The following STARD10 variants were observed in gnomAD, a reference collection of about 807,000 sequenced individuals.
The protein encoded by STARD10 is START domain-containing protein 10.
STARD10 carries 24 observed loss-of-function variants against 36.0 expected under a neutral mutation model. The ratio of observed to expected loss-of-function variants is 0.67; its 90% CI spans 0.48 to 0.94. STARD10 has a LOEUF of 0.94. Ranked by LOEUF, STARD10 falls within the 40% of genes least tolerant of loss-of-function variation. The probability of loss-of-function intolerance (pLI) is 0.00; values close to 1 mark genes in which losing one functional copy is unlikely to be tolerated. For missense variants in STARD10, 335 were observed against 396.6 expected, an observed-to-expected ratio of 0.84 and a Z score of 1.32; for synonymous variants, 156 against 161.9, an observed-to-expected ratio of 0.96 and a Z score of 0.28.
At chr11:72,763,374 G>A (rs1858746211) in intron 2 of STARD10, among the ~76,000 whole-genome samples, 1 of 152,200 alleles carries the variant, frequency 6.6e-6, no homozygotes, top group Non-Finnish European at 1.5e-5. Flanking sequence ...GGGAAAATTA[G>A]TCACTTCATA....
Position 72,781,913 on chromosome 11 carries a change from C to A in STARD10, c.-113-619G>T, listed in dbSNP as rs1859006793. ...GAGGTGAAGCTGACGGATCTCCGAG[C>A]CCCGCCCCGCCCCACCCCGCAGGGT... On this transcript the variant is annotated intron_variant, in intron 1 of 6. Coordinates refer to ENST00000334805, the MANE Select transcript of STARD10 (RefSeq NM_006645.3). This position sits in a 1 kb window ranked among gnomAD's most constrained non-coding sequence, Gnocchi z 4.7. 6.6e-6 allele frequency: 1 copy of A among 151,670 alleles called. No individual in the cohort carries two copies. Among genetic ancestry groups the A allele is most frequent in the African/African-American group, 2.4e-5 (1 of 41,350 alleles). 9.4% of individuals were successfully genotyped at this position (151,670 alleles called of 1,614,324 possible).
At chr11:72,755,661 A>C (rs1472720931) in intron 6 of STARD10, 40 bp downstream of exon 6, 1 of 1,608,774 alleles carries the variant, frequency 6.2e-7, no homozygotes, top group African/African-American at 1.3e-5. Flanking sequence ...TCCTCTTTCC[A>C]GTCTTCAACA....
chr11:72,780,724 G>T, intron 2 of STARD10: 1 of 551,448 alleles, frequency 1.8e-6, no homozygotes, highest in Non-Finnish European at 3.3e-6. Flanking sequence ...GGAACAGGCA[G>T]GGGCATGCAG....
In STARD10 at chr11:72,770,718, G is replaced by A. The variant is rs1288488251; in HGVS notation, c.207+10257C>T. ...CTTTAGGTTCAAGGAAGGCACAAAG[G>A]GAAGCCAGAAATGCAGGTAGAGGGA... On this transcript the variant is annotated intron_variant, in intron 2 of 6. Transcript: ENST00000334805. Among the ~76,000 whole-genome samples, 4 of 152,116 alleles carry A rather than the reference G, an allele frequency of 2.6e-5. No individual in the cohort carries two copies. In the East Asian group the frequency reaches 7.7e-4, roughly 29 times the overall value.
intron 2 of STARD10, among the ~76,000 whole-genome samples, chr11:72,760,943 A>G (rs1858707682): frequency 6.6e-6 from 1 of 152,158 alleles, no homozygotes; most frequent in Non-Finnish European, 1.5e-5. Context: ...TGCCAAGGGA[A>G]CCCTCACATA....
intron 2 of STARD10, among the ~76,000 whole-genome samples, chr11:72,768,030 GAAC>G (rs2135616584): frequency 6.6e-6 from 1 of 152,258 alleles, no homozygotes; most frequent in East Asian, 1.9e-4. Context: ...GGACAACAAG[GAAC>G]AAAGTTTAAA....
intron 2 of STARD10, among the ~76,000 whole-genome samples, chr11:72,765,816 C>CAAAAAAAAAAAAAAAAAA (rs752801080): frequency 4.2e-5 from 5 of 118,198 alleles, no homozygotes; most frequent in African/African-American, 7.0e-5. Context: ...ACTAAAAATA[C>CAAAAAAAAAAAAAAAAAA]AAAAAAAAAA....
At chr11:72,780,301 T>A (rs1262861861) in intron 2 of STARD10, 1 of 391,262 alleles carries the variant, frequency 2.6e-6, no homozygotes, top group South Asian at 1.7e-5. Flanking sequence ...GAGCGACTGA[T>A]GTGTCTGCAA....
rs1327460358 is a variant in STARD10, at chr11:72,781,154, G to A, written c.28C>T (p.Pro10Ser). 19 of 1,612,180 alleles carry A rather than the reference G, an allele frequency of 1.2e-5. No homozygotes were observed. Among genetic ancestry groups the A allele is most frequent in the Non-Finnish European group, 1.6e-5 (19 of 1,179,974 alleles). The change falls in exon 2 of 7, where the codon CCC (proline) becomes TCC (serine). Residue 10 changes from proline to serine, a missense_variant. Coordinates refer to ENST00000334805, the MANE Select transcript of STARD10 (RefSeq NM_006645.3). The surrounding 1 kb of genome is among the most constrained non-coding windows in gnomAD (Gnocchi z 4.7). MEKLAASTE[P>S]QGPRPVLGRE... is the part of the protein sequence containing the mutation. Reference sequence around the variant, plus strand: ...CCCAGGACCGGCCGAGGCCCTTGGGGCTCTGTAGAGGCCGCCAGCTTCTCC... The same window carrying A: ...CCCAGGACCGGCCGAGGCCCTTGGGACTCTGTAGAGGCCGCCAGCTTCTCC...
Position 72,781,360 on chromosome 11 carries a change from T to C in STARD10, c.-113-66A>G. 1.7e-6 allele frequency: 1 copy of C among 593,720 alleles called. No individual in the cohort carries two copies. 36.8% of individuals were successfully genotyped at this position (593,720 alleles called of 1,614,324 possible). A position where few individuals can be genotyped will look rare whatever the true frequency, so the allele number is the denominator to read the frequency against. On this transcript the variant is annotated intron_variant, in intron 1 of 6. Transcript: ENST00000334805. This position sits in a 1 kb window ranked among gnomAD's most constrained non-coding sequence, Gnocchi z 4.7. ...GCGCGGGTGGGGCTGTTCGGGGTCC[T>C]GGCGGGTGGGGAGCTGGAGAGAGGT...
chr11:72,765,097 A>G (rs1037306052), intron 2 of STARD10, among the ~76,000 whole-genome samples: 1 of 152,086 alleles, frequency 6.6e-6, no homozygotes, highest in Non-Finnish European at 1.5e-5. Context: ...AAGAAACCCC[A>G]TCTCTACTAA....
intron 2 of STARD10, among the ~76,000 whole-genome samples, chr11:72,767,375 C>T (rs1209692597): frequency 6.6e-6 from 1 of 152,168 alleles, no homozygotes; most frequent in African/African-American, 2.4e-5. Context: ...CCTTCCAACA[C>T]CCCAGAAGGA....
chr11:72,790,032 C>A (rs1257122225), intron 1 of STARD10, among the ~76,000 whole-genome samples: 4 of 152,192 alleles, frequency 2.6e-5, no homozygotes, highest in African/African-American at 9.7e-5. Context: ...TGATGAAGGC[C>A]CCACAATCCT....
chr11:72,775,494 C>T (rs1858919001), intron 2 of STARD10, among the ~76,000 whole-genome samples: 2 of 152,156 alleles, frequency 1.3e-5, no homozygotes, highest in Admixed American at 1.3e-4. Context: ...TGTGATCCAC[C>T]TCTGGGCCTT....
chr11:72,764,107 T>G (rs563960843), intron 2 of STARD10, among the ~76,000 whole-genome samples: 1 of 152,134 alleles, frequency 6.6e-6, no homozygotes, highest in African/African-American at 2.4e-5. Context: ...TCCTGGACCA[T>G]GAGTGGATGG....
rs746879482 is a variant in STARD10, at chr11:72,780,949, G to A, written c.207+26C>T. On this transcript the variant is annotated intron_variant, in intron 2 of 6. Transcript: ENST00000334805. ...GAGAGGCAGTAAGGGTGCAGTGGAG[G>A]CTGCAGGTATAGCGGGCAACCCTAC... The A allele has an allele frequency of 1.2e-5, 19 of 1,607,276 alleles. No individual in the cohort carries two copies. The South Asian group carries it at 1.8e-4, about 15-fold the overall frequency.
chr11:72,781,128 G>T lies in STARD10; in HGVS notation c.54C>A (p.Gly18=). The change falls in exon 2 of 7, where the codon GGC becomes GGA. Residue 18 remains glycine, a synonymous_variant. Transcript: ENST00000334805. The surrounding 1 kb of genome is among the most constrained non-coding windows in gnomAD (Gnocchi z 4.7). The stretch of plus-strand genomic sequence containing the variant: ...CATCGGGCACCTGGACACTCTCACG[G>T]CCCAGGACCGGCCGAGGCCCTTGGG... ...TEPQGPRPVL[G]RESVQVPDDQ... The T allele has an allele frequency of 6.2e-7, 1 of 1,613,546 alleles. No individual in the cohort carries two copies.
chr11:72,781,107 G>C lies in STARD10; in HGVS notation c.75C>G (p.Pro25=), dbSNP rs772266558. The change falls in exon 2 of 7, where the codon CCC becomes CCG. Residue 25 remains proline, a synonymous_variant. Transcript: ENST00000334805. The surrounding 1 kb of genome is among the most constrained non-coding windows in gnomAD (Gnocchi z 4.7). ...PVLGRESVQV[P]DDQDFRSFRS... ...GGAAGCTGCGAAAGTCTTGGTCATC[G>C]GGCACCTGGACACTCTCACGGCCCA... is the stretch of plus-strand genomic sequence containing the variant. The C allele has an allele frequency of 1.3e-5, 21 of 1,613,780 alleles. No homozygotes were observed. Among genetic ancestry groups the C allele is most frequent in the African/African-American group, 5.3e-5 (4 of 74,928 alleles).
chr11:72,787,749 C>A (rs1859092503), intron 1 of STARD10, among the ~76,000 whole-genome samples: 1 of 152,216 alleles, frequency 6.6e-6, no homozygotes, highest in Non-Finnish European at 1.5e-5. Context: ...GGGGTGGGGG[C>A]ATCGGTGTCT....
Sources: gnomAD v4.1 joint callset for allele counts (sites outside exome capture counted in the v4.1 genomes callset) on GRCh38, gnomAD v4.1.1 for gene constraint, Gnocchi (gnomAD v3.1) non-coding constraint, MANE v1.5 for transcripts, NCBI Gene and HGNC (gene_info 2026-07-23, HGNC 2026-07-21) for gene names.